KCTD16: variants seen among roughly 807,000 people sequenced by gnomAD.
KCTD16 encodes the protein BTB/POZ domain-containing protein KCTD16.
A neutral mutation model predicts 33.2 loss-of-function variants in KCTD16; 13 were observed. The ratio of observed to expected loss-of-function variants is 0.39; its 90% CI spans 0.25 to 0.62. The LOEUF is 0.62. KCTD16 is among the 20% of genes least tolerant of loss of function. The probability of loss-of-function intolerance (pLI) is 0.50; values close to 1 mark genes in which losing one functional copy is unlikely to be tolerated. For missense variants in KCTD16, 441 were observed against 525.1 expected, an observed-to-expected ratio of 0.84 and a Z score of 1.57; for synonymous variants, 197 against 195.3, an observed-to-expected ratio of 1.01 and a Z score of -0.07.
chr5:144,330,348 G>A (rs535647336), intron 3 of KCTD16, among the ~76,000 whole-genome samples: 1 of 150,090 alleles, frequency 6.7e-6, no homozygotes, highest in African/African-American at 2.5e-5. Context: ...GGGAGGCAGA[G>A]GTTGCGGTGA....
At chr5:144,284,860 T>A (rs1450367498) in intron 3 of KCTD16, among the ~76,000 whole-genome samples, 5 of 152,196 alleles carry the variant, frequency 3.3e-5, no homozygotes, top group Non-Finnish European at 7.3e-5. Flanking sequence ...CTCTTTTTCC[T>A]CTTCTAAAAC....
chr5:144,302,278 G>A (rs1751462451), intron 3 of KCTD16, among the ~76,000 whole-genome samples: 1 of 152,168 alleles, frequency 6.6e-6, no homozygotes, highest in Non-Finnish European at 1.5e-5. Context: ...CTCTGGGCAG[G>A]TGTCAGGGAG....
intron 3 of KCTD16, among the ~76,000 whole-genome samples, chr5:144,422,665 A>T (rs1753236948): frequency 6.6e-6 from 1 of 152,166 alleles, no homozygotes; most frequent in East Asian, 1.9e-4. Flanking sequence ...TTATATAATG[A>T]AAGAGTAAAG....
At chr5:144,385,148 T>C (rs562648973) in intron 3 of KCTD16, 3 of 152,320 alleles carry the variant, frequency 2.0e-5, no homozygotes, top group African/African-American at 7.2e-5. Flanking sequence ...GCGAAAACTA[T>C]TTTCCTCTAT....
At chr5:144,455,797 T>A (rs973688953) in intron 3 of KCTD16, among the ~76,000 whole-genome samples, 1 of 152,170 alleles carries the variant, frequency 6.6e-6, no homozygotes, top group Non-Finnish European at 1.5e-5. Flanking sequence ...CTTCCATAAA[T>A]TGGGAGTGGA....
rs1561558438 is a variant in KCTD16 at position 144,299,109 on chromosome 5, TA to T, written c.832+91564del. 5.3e-4 allele frequency among the ~76,000 whole-genome samples: 6 copies of T among 11,418 alleles called. 1 individual carries two copies. Among genetic ancestry groups the T allele is most frequent in the African/African-American group, 3.4e-3 (4 of 1,188 alleles). The allele number at this position is 11,418 out of a possible 152,430, so 7.5% of individuals were successfully genotyped here. On this transcript the variant is annotated intron_variant, in intron 3 of 3. Coordinates refer to ENST00000512467, the MANE Select transcript of KCTD16 (RefSeq NM_020768.4). ...ATATATCACTATGTATATATATATATATATATATATATATATATATATATAT... is the reference window on the plus strand; with the variant it reads ...ATATATCACTATGTATATATATATATTATATATATATATATATATATATAT...
At chr5:144,271,112 T>G (rs1475350898) in intron 3 of KCTD16, among the ~76,000 whole-genome samples, 2 of 152,048 alleles carry the variant, frequency 1.3e-5, no homozygotes, top group Admixed American at 1.3e-4. Flanking sequence ...CGCCAGTTCT[T>G]CTCAAACTTT....
chr5:144,347,541 G>T (rs1326097833), intron 3 of KCTD16, among the ~76,000 whole-genome samples: 1 of 152,148 alleles, frequency 6.6e-6, no homozygotes, highest in Non-Finnish European at 1.5e-5. Context: ...GTTGCAGTGA[G>T]CCGAGATCGC....
intron 3 of KCTD16, among the ~76,000 whole-genome samples, chr5:144,430,701 G>A (rs1753438312): frequency 6.6e-6 from 1 of 152,102 alleles, no homozygotes; most frequent in African/African-American, 2.4e-5. Flanking sequence ...GTGCTTTAGT[G>A]GGAATTAGTT....
intron 3 of KCTD16, among the ~76,000 whole-genome samples, chr5:144,428,770 A>G (rs1363578033): frequency 6.6e-6 from 1 of 152,200 alleles, no homozygotes; most frequent in Non-Finnish European, 1.5e-5. Context: ...GAAGATGAAG[A>G]AACACACCAG....
At chr5:144,309,447 G>A (rs1190400404) in intron 3 of KCTD16, among the ~76,000 whole-genome samples, 5 of 151,708 alleles carry the variant, frequency 3.3e-5, no homozygotes, top group Non-Finnish European at 4.4e-5. Flanking sequence ...GGTGCAAAAT[G>A]AGTTGACACA....
intron 3 of KCTD16, among the ~76,000 whole-genome samples, chr5:144,229,279 A>T (rs1230810606): frequency 1.3e-5 from 2 of 152,094 alleles, no homozygotes; most frequent in Non-Finnish European, 2.9e-5. Context: ...CATGAAGGAG[A>T]GGGGGGACAA....
At chr5:144,418,077 G>C (rs976610642) in intron 3 of KCTD16, among the ~76,000 whole-genome samples, 1 of 152,110 alleles carries the variant, frequency 6.6e-6, no homozygotes, top group African/African-American at 2.4e-5. Flanking sequence ...AGCTCTTAAA[G>C]GTGGTGTCTG....
At position 144,311,946 on chromosome 5, in the gene KCTD16, C is replaced by CT. The variant is rs767632093; in HGVS notation, c.832+104410dup. On this transcript the variant is annotated intron_variant, in intron 3 of 3. Transcript: ENST00000512467. ...ACTTTCAAATCTTAAAAGGTGATTT[C>CT]TTTTTTTTTTCTATTACTAAGTGTT... Among the ~76,000 whole-genome samples, 143 of 149,388 alleles carry CT rather than the reference C, an allele frequency of 9.6e-4. 1 individual carries two copies. Among genetic ancestry groups the CT allele is most frequent in the Non-Finnish European group, 1.2e-3 (82 of 67,090 alleles).
chr5:144,332,060 T>G lies in KCTD16; in HGVS notation c.832+124514T>G, dbSNP rs188415852. 3.2e-3 allele frequency among the ~76,000 whole-genome samples: 485 copies of G among 152,258 alleles called. 1 individual carries two copies. The highest frequency in any genetic ancestry group is 5.3e-3 in the Non-Finnish European group (358 of 68,016). ...GGACTGCTGGCAAAAGACAACAGATTAAAGCAACAGGTTTTATTTTCTCCC... is the reference window on the plus strand; with the variant it reads ...GGACTGCTGGCAAAAGACAACAGATGAAAGCAACAGGTTTTATTTTCTCCC... On this transcript the variant is annotated intron_variant, in intron 3 of 3. Transcript: ENST00000512467.
intron 3 of KCTD16, among the ~76,000 whole-genome samples, chr5:144,317,869 T>C (rs997551314): frequency 6.6e-6 from 1 of 152,240 alleles, no homozygotes. Flanking sequence ...ACCTGCATGG[T>C]GCTCCTATTA....
intron 3 of KCTD16, among the ~76,000 whole-genome samples, chr5:144,255,835 T>TCTCTAATGTCTGATTC (rs1174989353): frequency 2.6e-5 from 4 of 152,146 alleles, no homozygotes; most frequent in Admixed American, 2.6e-4. Context: ...ATCATCAGAT[T>TCTCTAATGTCTGATTC]TTAGAGAAAA....
intron 2 of KCTD16, among the ~76,000 whole-genome samples, chr5:144,185,481 A>G (rs1324885379): frequency 6.6e-6 from 1 of 152,126 alleles, no homozygotes; most frequent in Non-Finnish European, 1.5e-5. Context: ...CCCAAATCAC[A>G]TCTTTTTTGG....
intron 3 of KCTD16, among the ~76,000 whole-genome samples, chr5:144,467,548 G>A (rs1029030792): frequency 1.3e-5 from 2 of 152,108 alleles, no homozygotes; most frequent in Non-Finnish European, 2.9e-5. Context: ...AAACCCACCC[G>A]TGTTTACACA....
Sources: gnomAD v4.1 joint callset for allele counts (sites outside exome capture counted in the v4.1 genomes callset) on GRCh38, gnomAD v4.1.1 for gene constraint, MANE v1.5 for transcripts, NCBI Gene and HGNC (gene_info 2026-07-23, HGNC 2026-07-21) for gene names.